SORL1: variants seen among roughly 807,000 people sequenced by gnomAD.
The protein encoded by SORL1 is sortilin related receptor 1.
In SORL1, 127 loss-of-function variants were observed where a neutral mutation model predicts 273.7. The ratio of observed to expected loss-of-function variants is 0.46; its 90% CI spans 0.40 to 0.54. The LOEUF is 0.54. Ranked by LOEUF, SORL1 falls within the 20% of genes least tolerant of loss-of-function variation. The probability of loss-of-function intolerance (pLI) is 0.00; values close to 1 mark genes in which losing one functional copy is unlikely to be tolerated. For missense variants in SORL1, 2,494 were observed against 2,846.1 expected (o/e 0.88, Z 2.81); for synonymous variants, 1,031 against 1,067.4 (o/e 0.97, Z 0.66).
In SORL1 at chr11:121,596,172, A is replaced by G. The variant is rs979591351; in HGVS notation, c.4519+400A>G. On this transcript the variant is annotated intron_variant, in intron 32 of 47. Transcript: ENST00000260197. The surrounding 1 kb of genome is among the most constrained non-coding windows in gnomAD (Gnocchi z 4.3). The stretch of plus-strand genomic sequence containing the variant: ...TACTGGGCGTAGAAGCTGTGTTATT[A>G]GAGGGTTTGCCTCTAGCACCCCATT... Among the ~76,000 whole-genome samples the G allele has an allele frequency of 6.6e-6, 1 of 152,218 alleles. No homozygotes were observed. Among genetic ancestry groups the G allele is most frequent in the African/African-American group, 2.4e-5 (1 of 41,456 alleles).
chr11:121,561,734 TAGAACAC>T (rs1403533105), intron 21 of SORL1, among the ~76,000 whole-genome samples: 1 of 145,894 alleles, frequency 6.9e-6, no homozygotes, highest in Admixed American at 6.9e-5. Context: ...TGTTGGTGAG[TAGAACAC>T]AGACCTGGAC....
chr11:121,573,752 T>C (rs542339712), intron 23 of SORL1, among the ~76,000 whole-genome samples: 1 of 152,354 alleles, frequency 6.6e-6, no homozygotes, highest in East Asian at 1.9e-4. Flanking sequence ...GAGCCACGAT[T>C]TGGTACCCAG....
chr11:121,544,604 G>A (rs1426195383), intron 13 of SORL1, among the ~76,000 whole-genome samples: 5 of 152,326 alleles, frequency 3.3e-5, no homozygotes, highest in South Asian at 4.1e-4. Flanking sequence ...TATCAGCTTC[G>A]GGTAGTATCT....
rs572214325 is a variant in SORL1, at chr11:121,549,753, A to T, written c.2052-207A>T. On this transcript the variant is annotated intron_variant, in intron 14 of 47. Coordinates refer to ENST00000260197, the MANE Select transcript of SORL1 (RefSeq NM_003105.6). ...TTTTTTTTTTTGGTCTATTTATGGC[A>T]TGTGATTGTGTTTTTCCAACTGTGG... Among the ~76,000 whole-genome samples, 85 of 150,422 alleles carry T rather than the reference A, an allele frequency of 5.7e-4. 2 individuals are homozygous for T. The Middle Eastern group carries it at 0.014, about 24-fold the overall frequency.
intron 1 of SORL1, among the ~76,000 whole-genome samples, chr11:121,467,757 C>T (rs1366919893): frequency 6.6e-6 from 1 of 152,098 alleles, no homozygotes; most frequent in Non-Finnish European, 1.5e-5. Context: ...GAGGAGATTC[C>T]TTTAGCTGCT....
intron 21 of SORL1, among the ~76,000 whole-genome samples, chr11:121,565,155 C>T (rs115611706): frequency 1.3e-3 from 193 of 152,282 alleles, no homozygotes; most frequent in African/African-American, 4.5e-3. Flanking sequence ...GGTAATTAAG[C>T]TGTTATGATT....
intron 41 of SORL1, among the ~76,000 whole-genome samples, chr11:121,617,093 A>C (rs949580982): frequency 6.6e-6 from 1 of 152,252 alleles, no homozygotes; most frequent in African/African-American, 2.4e-5. Context: ...AAGATTGTGG[A>C]GACCAAGGTT....
chr11:121,604,294 T>G lies in SORL1; in HGVS notation c.4621T>G (p.Ser1541Ala). The G allele has an allele frequency of 6.8e-6, 11 of 1,613,908 alleles. No homozygotes were observed. Among genetic ancestry groups the G allele is most frequent in the Non-Finnish European group, 9.3e-6 (11 of 1,179,974 alleles). ...SERCDGFLDC[S>A]DESDEKACSD... ...GCGCTGCGACGGCTTCCTGGACTGCTCGGACGAGAGCGATGAAAAGGCCTG... is the reference window on the plus strand; with the variant it reads ...GCGCTGCGACGGCTTCCTGGACTGCGCGGACGAGAGCGATGAAAAGGCCTG... Residue 1541 changes from serine to alanine, a missense_variant, in exon 33 of 48, where the codon TCG (serine) becomes GCG (alanine). Transcript: ENST00000260197.
chr11:121,606,793 TG>T, intron 35 of SORL1, 51 bp from the exon 36 acceptor site: 1 of 1,213,376 alleles, frequency 8.2e-7, no homozygotes, highest in Non-Finnish European at 1.2e-6. Context: ...AAAATTCCTC[TG>T]GTTGGCTGCT....
rs1324193677 is a variant in SORL1, at chr11:121,591,161, G to A, written c.4369+5G>A. On this transcript the variant is annotated splice_donor_5th_base_variant and intron_variant, in intron 31 of 47. Transcript: ENST00000260197. ...AGGAAGCCTGCCCCTTGCTTGGTGAGTTCTGGCCCAGGTCCTCTCCTGTGG... is the reference window on the plus strand; with the variant it reads ...AGGAAGCCTGCCCCTTGCTTGGTGAATTCTGGCCCAGGTCCTCTCCTGTGG... The A allele has an allele frequency of 1.2e-6, 2 of 1,614,006 alleles. No individual in the cohort carries two copies. Among genetic ancestry groups the A allele is most frequent in the African/African-American group, 1.3e-5 (1 of 74,908 alleles).
chr11:121,490,035 C>T lies in SORL1; in HGVS notation c.691-8C>T, dbSNP rs1486387362. 1 of 1,611,762 alleles carries T rather than the reference C, an allele frequency of 6.2e-7. No homozygotes were observed. Among genetic ancestry groups the T allele is most frequent in the South Asian group, 1.1e-5 (1 of 91,042 alleles). On this transcript the variant is annotated splice_polypyrimidine_tract_variant and splice_region_variant and intron_variant, in intron 4 of 47. Transcript: ENST00000260197. Reference sequence around the variant, plus strand: ...TGCCTCTTGCATCATGACCACTTGTCTTTGCAGCTGTGGAAGTCAGATGAC... The same window carrying T: ...TGCCTCTTGCATCATGACCACTTGTTTTTGCAGCTGTGGAAGTCAGATGAC...
intron 6 of SORL1, among the ~76,000 whole-genome samples, chr11:121,503,869 C>T (rs1861749473): frequency 6.6e-6 from 1 of 152,122 alleles, no homozygotes; most frequent in Admixed American, 6.5e-5. Flanking sequence ...TTCTGGGTTC[C>T]TTGCATTTCC....
chr11:121,540,690 G>A (rs1412888649), intron 12 of SORL1, among the ~76,000 whole-genome samples: 1 of 152,098 alleles, frequency 6.6e-6, no homozygotes, highest in African/African-American at 2.4e-5. Context: ...AAATTCTGAA[G>A]AGCACCATTT....
Position 121,477,251 on chromosome 11 carries a change from C to T in SORL1, c.403-867C>T, listed in dbSNP as rs193079279. ...GTAGGTACATCTCACAGTATTGTCACGTCACTCAGCAATCTTTCATTTCCA... is the reference window on the plus strand; with the variant it reads ...GTAGGTACATCTCACAGTATTGTCATGTCACTCAGCAATCTTTCATTTCCA... On this transcript the variant is annotated intron_variant, in intron 2 of 47. Coordinates refer to ENST00000260197, the MANE Select transcript of SORL1 (RefSeq NM_003105.6). Among the ~76,000 whole-genome samples, 97 of 152,298 alleles carry T rather than the reference C, an allele frequency of 6.4e-4. No homozygotes were observed. In the East Asian group the frequency reaches 0.018, roughly 28 times the overall value.
At chr11:121,465,890 C>T (rs1390392447) in intron 1 of SORL1, among the ~76,000 whole-genome samples, 2 of 152,144 alleles carry the variant, frequency 1.3e-5, no homozygotes, top group South Asian at 2.1e-4. Context: ...AGCCGGTAGG[C>T]GTGGAGTGGG....
chr11:121,525,448 T>C (rs976193489), intron 11 of SORL1, among the ~76,000 whole-genome samples: 2 of 152,230 alleles, frequency 1.3e-5, no homozygotes, highest in Non-Finnish European at 1.5e-5. Context: ...TTCTCTAGGG[T>C]AAATACTTAG....
chr11:121,607,035 G>A, intron 36 of SORL1, 78 bp downstream of exon 36: 1 of 1,190,382 alleles, frequency 8.4e-7, no homozygotes, highest in African/African-American at 1.5e-5. Flanking sequence ...TGACGAGGGG[G>A]TTGATTTGGT....
At chr11:121,484,765 T>C (rs909270028) in intron 3 of SORL1, among the ~76,000 whole-genome samples, 3 of 152,188 alleles carry the variant, frequency 2.0e-5, no homozygotes, top group Non-Finnish European at 4.4e-5. Context: ...CTTCTTCTTT[T>C]GTTTTTGAGA....
chr11:121,611,189 A>G, intron 39 of SORL1, 31 bp downstream of exon 39: 1 of 1,397,066 alleles, frequency 7.2e-7, no homozygotes, highest in Non-Finnish European at 1.0e-6. Flanking sequence ...CAGCAGCTGG[A>G]TGGGGCTTTA....
Sources: allele counts gnomAD v4.1 joint callset (sites outside exome capture counted in the v4.1 genomes callset), GRCh38; gene constraint gnomAD v4.1.1; non-coding constraint Gnocchi (gnomAD v3.1); transcripts MANE v1.5; gene names NCBI Gene and HGNC (gene_info 2026-07-23, HGNC 2026-07-21).